Variants in BCL2 observed in about 807,000 individuals in gnomAD.
BCL2 encodes the protein apoptosis regulator Bcl-2.
BCL2 carries 1 observed loss-of-function variant against 14.2 expected under a neutral mutation model. That is an observed-to-expected ratio of 0.07 (90% CI 0.02 to 0.33). BCL2 has a LOEUF of 0.33. Among genes scored for constraint, BCL2 ranks in the 10% least tolerant of loss-of-function variants. BCL2 has a pLI of 0.99. For missense variants in BCL2, 247 were observed against 305.9 expected (o/e 0.81, Z 1.44); for synonymous variants, 151 against 137.2 (o/e 1.10, Z -0.70).
intron 2 of BCL2, among the ~76,000 whole-genome samples, chr18:63,132,355 A>T (rs1914091280): frequency 6.6e-6 from 1 of 152,176 alleles, no homozygotes; most frequent in Non-Finnish European, 1.5e-5. Context: ...CCTCTTGCAG[A>T]CCTGCTCCGC....
intron 2 of BCL2, 168 bp downstream of exon 2, chr18:63,317,914 G>A: frequency 6.9e-7 from 1 of 1,447,530 alleles, no homozygotes; most frequent in Non-Finnish European, 9.1e-7. Context: ...CAGGTTGGGA[G>A]TGAACGCTTT....
At chr18:63,166,489 G>C (rs1915048294) in intron 2 of BCL2, among the ~76,000 whole-genome samples, 1 of 152,188 alleles carries the variant, frequency 6.6e-6, no homozygotes, top group Non-Finnish European at 1.5e-5. Context: ...GACTGCGCCA[G>C]CTCTCACTGG....
chr18:63,297,187 T>C (rs1195768583), intron 2 of BCL2, among the ~76,000 whole-genome samples: 7 of 152,064 alleles, frequency 4.6e-5, no homozygotes. Flanking sequence ...CACTCCAGCC[T>C]GGGCGACACA....
intron 2 of BCL2, among the ~76,000 whole-genome samples, chr18:63,195,329 G>C (rs1909415186): frequency 6.6e-6 from 1 of 152,192 alleles, no homozygotes; most frequent in Non-Finnish European, 1.5e-5. Flanking sequence ...GGCGGCCCTG[G>C]CTGGTATCCC....
At chr18:63,180,453 T>G (rs1032276000) in intron 2 of BCL2, among the ~76,000 whole-genome samples, 1 of 152,260 alleles carries the variant, frequency 6.6e-6, no homozygotes, top group Non-Finnish European at 1.5e-5. Flanking sequence ...CTATGGGGGC[T>G]GCTGAGCAGC....
Position 63,289,308 on chromosome 18 carries a change from A to T in BCL2, c.585+28774T>A, listed in dbSNP as rs146759870. 3.7e-3 allele frequency among the ~76,000 whole-genome samples: 561 copies of T among 152,366 alleles called. 4 individuals carry two copies. The highest frequency in any genetic ancestry group is 0.013 in the African/African-American group (538 of 41,580). On this transcript the variant is annotated intron_variant, in intron 2 of 2. Coordinates refer to ENST00000333681, the MANE Select transcript of BCL2 (RefSeq NM_000633.3). ...GAAAAAGGCTGAAAAGGTGGTAAAG[A>T]TTTAGAAATCAGCGGGGTCACTCCC...
At chr18:63,146,251 G>A (rs1914508416) in intron 2 of BCL2, among the ~76,000 whole-genome samples, 1 of 152,204 alleles carries the variant, frequency 6.6e-6, no homozygotes. Context: ...AAGAAATTAA[G>A]TGTTGGCCGA....
chr18:63,299,917 A>G (rs2144281626), intron 2 of BCL2, among the ~76,000 whole-genome samples: 1 of 151,416 alleles, frequency 6.6e-6, no homozygotes, highest in Non-Finnish European at 1.5e-5. Flanking sequence ...AACTCACTGG[A>G]CTGTAATAGA....
rs1305556776 is a variant in BCL2, at chr18:63,125,455, GA to G, written c.*3169del. 4.5e-6 allele frequency: 1 copy of G among 221,376 alleles called. No individual in the cohort carries two copies. The highest frequency in any genetic ancestry group is 9.0e-6 in the Non-Finnish European group (1 of 110,610). The allele number at this position is 221,376 out of a possible 1,614,324, so 13.7% of individuals were successfully genotyped here. A position where few individuals can be genotyped will look rare whatever the true frequency, so the allele number is the denominator to read the frequency against. On this transcript the variant is annotated 3_prime_UTR_variant, in exon 3 of 3. Coordinates refer to ENST00000333681, the MANE Select transcript of BCL2 (RefSeq NM_000633.3). The stretch of plus-strand genomic sequence containing the variant: ...ACTGGGAGGGCCGAGGAGGTTCTCA[GA>G]TGTTCTTCTCCTTTTGGGGCTTTTT...
At chr18:63,180,710 CCTACTAGTGATGGGGCTCTCAAA>C (rs1049057912) in intron 2 of BCL2, among the ~76,000 whole-genome samples, 2 of 152,174 alleles carry the variant, frequency 1.3e-5, no homozygotes, top group Non-Finnish European at 1.5e-5. Context: ...TCCTAGACCC[CCTACTAGTGATGGGGCTCTCAAA>C]CTACTAGTGA....
At position 63,169,389 on chromosome 18, in the gene BCL2, T is replaced by TTTC. The variant is rs1915164342; in HGVS notation, c.586-40631_586-40630insGAA. 4.9e-4 allele frequency among the ~76,000 whole-genome samples: 20 copies of TTTC among 40,786 alleles called. 2 individuals are homozygous for TTTC. Among genetic ancestry groups the TTTC allele is most frequent in the Non-Finnish European group, 7.9e-4 (16 of 20,340 alleles). 26.8% of individuals were successfully genotyped at this position (40,786 alleles called of 152,430 possible). A position where few individuals can be genotyped will look rare whatever the true frequency, so the allele number is the denominator to read the frequency against. ...TCTTTCTCTTTCTTTCTTTCTTTCT[T>TTTC]TTTCTTTCTTTCTTTTTCTTTCTCT... is the stretch of plus-strand genomic sequence containing the variant. On this transcript the variant is annotated intron_variant, in intron 2 of 2. Transcript: ENST00000333681.
rs577973212 is a variant in BCL2 at position 63,221,958 on chromosome 18, G to A, written c.586-93199C>T. Reference sequence around the variant, plus strand: ...AAACATATGTCCACTATGTAGAAACGATTTCACAACTCAGGACTCACAAGA... The same window carrying A: ...AAACATATGTCCACTATGTAGAAACAATTTCACAACTCAGGACTCACAAGA... On this transcript the variant is annotated intron_variant, in intron 2 of 2. Transcript: ENST00000333681. Among the ~76,000 whole-genome samples the A allele has an allele frequency of 4.3e-4, 66 of 152,250 alleles. No individual in the cohort carries two copies. In the South Asian group the frequency reaches 0.014, roughly 32 times the overall value.
In BCL2 at chr18:63,201,356, T is replaced by C. The variant is rs185089213; in HGVS notation, c.586-72597A>G. Reference sequence around the variant, plus strand: ...GCTAGTCAATTCATCCTTATAACCCTCCCTTTTCCCACCGCCCCTAATAGA... The same window carrying C: ...GCTAGTCAATTCATCCTTATAACCCCCCCTTTTCCCACCGCCCCTAATAGA... On this transcript the variant is annotated intron_variant, in intron 2 of 2. Transcript: ENST00000333681. 1.5e-4 allele frequency among the ~76,000 whole-genome samples: 23 copies of C among 152,274 alleles called. No homozygotes were observed. In the East Asian group the frequency reaches 4.0e-3, roughly 27 times the overall value.
At chr18:63,310,992 A>G (rs970951472) in intron 2 of BCL2, among the ~76,000 whole-genome samples, 3 of 151,792 alleles carry the variant, frequency 2.0e-5, no homozygotes, top group East Asian at 3.9e-4. Context: ...TTTTACATCC[A>G]GAAATGCCAA....
At chr18:63,204,858 G>A (rs997115703) in intron 2 of BCL2, among the ~76,000 whole-genome samples, 1 of 151,932 alleles carries the variant, frequency 6.6e-6, no homozygotes, top group African/African-American at 2.4e-5. Context: ...AAATTAACAG[G>A]GCAAACAGTA....
At chr18:63,172,504 G>A (rs898530060) in intron 2 of BCL2, among the ~76,000 whole-genome samples, 34 of 152,154 alleles carry the variant, frequency 2.2e-4, no homozygotes, top group African/African-American at 7.5e-4. Flanking sequence ...ATTCCCGGCC[G>A]GGCGTGGTGG....
chr18:63,130,655 C>T (rs1250539862), intron 2 of BCL2, among the ~76,000 whole-genome samples: 1 of 152,124 alleles, frequency 6.6e-6, no homozygotes, highest in Admixed American at 6.5e-5. Context: ...TAGATTTATA[C>T]AATTATTTTC....
chr18:63,190,776 T>C (rs1020996775), intron 2 of BCL2, among the ~76,000 whole-genome samples: 3 of 152,020 alleles, frequency 2.0e-5, no homozygotes, highest in Non-Finnish European at 4.4e-5. Flanking sequence ...TGTGCCATGG[T>C]GGTTTGCTGC....
intron 2 of BCL2, among the ~76,000 whole-genome samples, chr18:63,252,080 G>A (rs1050153931): frequency 8.5e-5 from 13 of 152,186 alleles, no homozygotes; most frequent in Admixed American, 1.3e-4. Context: ...AGTATGCAAA[G>A]AAGCCACAAG....
Sources: allele counts gnomAD v4.1 joint callset (sites outside exome capture counted in the v4.1 genomes callset), GRCh38; gene constraint gnomAD v4.1.1; transcripts MANE v1.5; gene names NCBI Gene and HGNC (gene_info 2026-07-23, HGNC 2026-07-21).